Variants in FOXP2 observed in about 807,000 individuals in gnomAD.
FOXP2 encodes the protein forkhead box protein P2.
In FOXP2, 12 loss-of-function variants were observed where a neutral mutation model predicts 115.8. The observed-to-expected ratio is 0.10, with a 90% CI of 0.07 to 0.17. The LOEUF (loss-of-function observed/expected upper bound fraction) is 0.17, where lower values mean the gene tolerates loss of function less well. Ranked by LOEUF, FOXP2 falls within the 10% of genes least tolerant of loss-of-function variation. The pLI, the probability that FOXP2 is intolerant of heterozygous loss-of-function variation, is 1.00. For synonymous variants in FOXP2, 328 were observed against 297.7 expected (o/e 1.10, Z -1.05); for missense variants, 629 against 843.5 (o/e 0.75, Z 3.15).
intron 3 of FOXP2, among the ~76,000 whole-genome samples, chr7:114,613,567 C>T (rs1240341541): frequency 2.0e-5 from 3 of 150,880 alleles, no homozygotes; most frequent in Admixed American, 6.6e-5. Context: ...CCCAGCTACT[C>T]GGGAGGCTGA....
At chr7:114,587,346 TG>T (rs1420807426) in intron 3 of FOXP2, among the ~76,000 whole-genome samples, 1 of 152,148 alleles carries the variant, frequency 6.6e-6, no homozygotes, top group Non-Finnish European at 1.5e-5. Context: ...TCTGATCCTG[TG>T]TTCATGCGAT....
intron 3 of FOXP2, among the ~76,000 whole-genome samples, chr7:114,554,659 CTAACA>C (rs1281457714): frequency 2.0e-5 from 3 of 152,000 alleles, no homozygotes; most frequent in Non-Finnish European, 2.9e-5. Flanking sequence ...TTTTGATCTC[CTAACA>C]TATTTTCTAA....
chr7:114,204,814 C>T (rs529507650), intron 1 of FOXP2, among the ~76,000 whole-genome samples: 2 of 151,208 alleles, frequency 1.3e-5, no homozygotes, highest in East Asian at 3.9e-4. Context: ...CAAAGGGCAG[C>T]AAACATGGGG....
chr7:114,271,674 T>A (rs1246878034), intron 1 of FOXP2, among the ~76,000 whole-genome samples: 2 of 118,182 alleles, frequency 1.7e-5, no homozygotes, highest in African/African-American at 6.9e-5. Flanking sequence ...ATATATTATT[T>A]AAAATTATAT....
chr7:114,432,850 G>A (rs78572788), intron 2 of FOXP2, among the ~76,000 whole-genome samples: 22 of 151,980 alleles, frequency 1.4e-4, no homozygotes, highest in East Asian at 1.4e-3. Flanking sequence ...GTTGATGTGC[G>A]TTGTCTTCCC....
chr7:114,538,481 T>C, intron 3 of FOXP2: 2 of 607,556 alleles, frequency 3.3e-6, no homozygotes, highest in East Asian at 6.9e-5. Flanking sequence ...AAGTTCTCCT[T>C]TCTAATAGGT....
intron 2 of FOXP2, among the ~76,000 whole-genome samples, chr7:114,370,230 C>T (rs1415505025): frequency 1.3e-5 from 2 of 152,148 alleles, no homozygotes; most frequent in Non-Finnish European, 2.9e-5. Context: ...TTTACTGACC[C>T]TTCAGATGTC....
intron 1 of FOXP2, among the ~76,000 whole-genome samples, chr7:114,093,635 T>A (rs1799585546): frequency 1.3e-5 from 2 of 152,148 alleles, no homozygotes; most frequent in African/African-American, 2.4e-5. Flanking sequence ...TTTTACTTTT[T>A]TTTTTTTATC....
chr7:114,089,856 A>G (rs766892114), intron 1 of FOXP2, among the ~76,000 whole-genome samples: 4 of 152,022 alleles, frequency 2.6e-5, no homozygotes, highest in Admixed American at 2.0e-4. Flanking sequence ...TTAGAATTAT[A>G]CTTCATGAAA....
At chr7:114,519,351 C>A (rs1798500121) in intron 2 of FOXP2, among the ~76,000 whole-genome samples, 1 of 152,072 alleles carries the variant, frequency 6.6e-6, no homozygotes, top group Non-Finnish European at 1.5e-5. Context: ...CAGAATGCCT[C>A]ATTTCTGTAT....
chr7:114,550,405 C>T (rs1044961013), intron 3 of FOXP2, among the ~76,000 whole-genome samples: 10 of 151,984 alleles, frequency 6.6e-5, no homozygotes, highest in African/African-American at 2.4e-4. Context: ...CGTGAGCCAC[C>T]GCACCCGGCC....
At chr7:114,448,043 A>C (rs2129216655) in intron 2 of FOXP2, among the ~76,000 whole-genome samples, 1 of 152,278 alleles carries the variant, frequency 6.6e-6, no homozygotes, top group East Asian at 1.9e-4. Context: ...TGAGTATAAA[A>C]TAAATTTTAA....
At chr7:114,455,856 C>G (rs1795292477) in intron 2 of FOXP2, among the ~76,000 whole-genome samples, 1 of 152,168 alleles carries the variant, frequency 6.6e-6, no homozygotes, top group African/African-American at 2.4e-5. Flanking sequence ...CCCCTGTGAT[C>G]TTAATATCTG....
In FOXP2 at chr7:114,454,391, AGAAATAG is replaced by A. The variant is rs1053443612; in HGVS notation, c.168+27716_168+27722del. ...ACAACAGGTGCTGGAGAGGATGTGG[AGAAATAG>A]GAACACTTTTACACTGTTGATGGGT... On this transcript the variant is annotated intron_variant, in intron 2 of 16. Coordinates refer to ENST00000350908, the MANE Select transcript of FOXP2 (RefSeq NM_014491.4). 2.9e-4 allele frequency among the ~76,000 whole-genome samples: 44 copies of A among 152,228 alleles called. 1 individual carries two copies. Among genetic ancestry groups the A allele is most frequent in the African/African-American group, 9.9e-4 (41 of 41,546 alleles).
intron 10 of FOXP2, among the ~76,000 whole-genome samples, chr7:114,655,331 A>G (rs940478298): frequency 5.3e-5 from 8 of 152,168 alleles, no homozygotes; most frequent in African/African-American, 1.9e-4. Flanking sequence ...GCATGGTTAC[A>G]TCTACACTAA....
chr7:114,466,439 G>A (rs1053968854), intron 2 of FOXP2, among the ~76,000 whole-genome samples: 1 of 152,134 alleles, frequency 6.6e-6, no homozygotes, highest in Non-Finnish European at 1.5e-5. Context: ...TGTCACTATG[G>A]TTACTTACTT....
chr7:114,482,001 C>T (rs1344272708), intron 2 of FOXP2, among the ~76,000 whole-genome samples: 3 of 151,216 alleles, frequency 2.0e-5, no homozygotes, highest in Admixed American at 2.0e-4. Flanking sequence ...TTAACTTAAT[C>T]ACCATTGATT....
chr7:114,267,098 A>C (rs569574548), intron 1 of FOXP2, among the ~76,000 whole-genome samples: 1 of 152,198 alleles, frequency 6.6e-6, no homozygotes, highest in Non-Finnish European at 1.5e-5. Flanking sequence ...TCTTAAAATG[A>C]AAATTCTGCA....
intron 16 of FOXP2, among the ~76,000 whole-genome samples, chr7:114,679,497 C>G (rs1807964108): frequency 6.6e-6 from 1 of 152,100 alleles, no homozygotes; most frequent in Non-Finnish European, 1.5e-5. Flanking sequence ...CATTATCCTG[C>G]TCAAAAACCA....
Sources: allele counts gnomAD v4.1 joint callset (sites outside exome capture counted in the v4.1 genomes callset), GRCh38; gene constraint gnomAD v4.1.1; transcripts MANE v1.5; gene names NCBI Gene and HGNC (gene_info 2026-07-23, HGNC 2026-07-21).